The following CCSER1 variants were observed in gnomAD, a reference collection of about 807,000 sequenced individuals.
CCSER1 encodes the protein serine-rich coiled-coil domain-containing protein 1.
In CCSER1, 41 loss-of-function variants were observed where a neutral mutation model predicts 82.0. The ratio of observed to expected loss-of-function variants is 0.50; its 90% CI spans 0.39 to 0.65. The LOEUF is 0.65. Among genes scored for constraint, CCSER1 ranks in the 30% least tolerant of loss-of-function variants. The pLI is 0.00. For synonymous variants in CCSER1, 414 were observed against 383.9 expected (o/e 1.08, Z -0.92); for missense variants, 1,119 against 1,064.2 (o/e 1.05, Z -0.72).
At chr4:90,417,333 GAATAAATTTCTATTTTAAATACCTTAAAA>G (rs1218194758) in intron 4 of CCSER1, among the ~76,000 whole-genome samples, 1 of 151,520 alleles carries the variant, frequency 6.6e-6, no homozygotes, top group Non-Finnish European at 1.5e-5. Flanking sequence ...ATTTGAAAAA[GAATAAATTTCTATTTTAAATACCTTAAAA>G]ATTATTAACC....
chr4:91,436,396 T>A (rs1754651439), intron 10 of CCSER1, among the ~76,000 whole-genome samples: 1 of 152,194 alleles, frequency 6.6e-6, no homozygotes. Context: ...GAAATAGGAA[T>A]CACTTAAACA....
intron 10 of CCSER1, among the ~76,000 whole-genome samples, chr4:91,347,262 C>G (rs1045734002): frequency 2.0e-5 from 3 of 152,036 alleles, no homozygotes; most frequent in Non-Finnish European, 4.4e-5. Context: ...ATTTATTTGA[C>G]TTTGTTCCTT....
intron 7 of CCSER1, among the ~76,000 whole-genome samples, chr4:90,756,178 A>G (rs533450140): frequency 6.6e-6 from 1 of 152,296 alleles, no homozygotes; most frequent in East Asian, 1.9e-4. Flanking sequence ...CAGTGAGCTG[A>G]GATCGTTCTA....
intron 7 of CCSER1, among the ~76,000 whole-genome samples, chr4:90,747,903 T>A (rs1412624874): frequency 1.3e-5 from 2 of 151,040 alleles, no homozygotes; most frequent in African/African-American, 2.4e-5. Flanking sequence ...ATATGCCATG[T>A]TTGGTTTTTT....
chr4:90,803,197 C>A (rs1159650065), intron 7 of CCSER1, among the ~76,000 whole-genome samples: 1 of 150,480 alleles, frequency 6.6e-6, no homozygotes, highest in African/African-American at 2.4e-5. Flanking sequence ...TTTTTATTTG[C>A]ATTTTTTAAT....
At chr4:90,720,509 A>T (rs1580139103) in intron 6 of CCSER1, among the ~76,000 whole-genome samples, 1 of 152,170 alleles carries the variant, frequency 6.6e-6, no homozygotes, top group East Asian at 1.9e-4. Context: ...AAATAAATTT[A>T]AATTTTAAAT....
intron 1 of CCSER1, among the ~76,000 whole-genome samples, chr4:90,175,027 G>A (rs1343135774): frequency 6.6e-6 from 1 of 151,964 alleles, no homozygotes; most frequent in Non-Finnish European, 1.5e-5. Context: ...ATAAGTGAAA[G>A]CATGTATTTA....
chr4:91,488,622 CT>C lies in CCSER1; in HGVS notation c.2218-109949del, dbSNP rs564166763. On this transcript the variant is annotated intron_variant, in intron 10 of 10. Coordinates refer to ENST00000509176, the MANE Select transcript of CCSER1 (RefSeq NM_001145065.2). ...TAAAAGTGTGTAACACCTTGCCCAG[CT>C]CTTTCTTCCTCCTGCTCCAGCCATG... Among the ~76,000 whole-genome samples the C allele has an allele frequency of 1.2e-4, 18 of 152,286 alleles. No homozygotes were observed. The South Asian group carries it at 3.5e-3, about 30-fold the overall frequency.
At chr4:90,470,339 G>C (rs186462234) in intron 5 of CCSER1, among the ~76,000 whole-genome samples, 1 of 152,188 alleles carries the variant, frequency 6.6e-6, no homozygotes, top group East Asian at 1.9e-4. Flanking sequence ...AATTGTTTAT[G>C]TCCTACATAC....
At chr4:91,487,367 C>G (rs577119944) in intron 10 of CCSER1, among the ~76,000 whole-genome samples, 8 of 152,196 alleles carry the variant, frequency 5.3e-5, no homozygotes, top group Non-Finnish European at 1.0e-4. Context: ...CTAATTTGCA[C>G]AATTCTTACT....
chr4:90,383,277 T>C (rs2153533003), intron 3 of CCSER1, among the ~76,000 whole-genome samples: 1 of 152,176 alleles, frequency 6.6e-6, no homozygotes, highest in South Asian at 2.1e-4. Flanking sequence ...AACAGCACAG[T>C]AAAGTATCAT....
chr4:90,821,703 G>C (rs1355775337), intron 8 of CCSER1, among the ~76,000 whole-genome samples: 4 of 152,076 alleles, frequency 2.6e-5, no homozygotes, highest in African/African-American at 9.7e-5. Context: ...TGCATCATAA[G>C]TTTAATTTAT....
intron 3 of CCSER1, among the ~76,000 whole-genome samples, chr4:90,361,492 C>A (rs1049049629): frequency 4.6e-5 from 7 of 152,150 alleles, no homozygotes; most frequent in Non-Finnish European, 7.4e-5. Context: ...AGAAAACACT[C>A]TTTTTAAAAA....
intron 6 of CCSER1, among the ~76,000 whole-genome samples, chr4:90,648,648 G>A (rs1728168461): frequency 6.6e-6 from 1 of 152,184 alleles, no homozygotes; most frequent in African/African-American, 2.4e-5. Context: ...AGTGAGGACA[G>A]AGAGAGAATG....
chr4:90,775,695 T>C (rs1483395001), intron 7 of CCSER1, among the ~76,000 whole-genome samples: 3 of 152,216 alleles, frequency 2.0e-5, no homozygotes, highest in Non-Finnish European at 4.4e-5. Context: ...TTTTCACTTA[T>C]GGAATGATCA....
At chr4:91,000,195 C>CATAGT (rs71596543) in intron 9 of CCSER1, among the ~76,000 whole-genome samples, 9 of 145,960 alleles carry the variant, frequency 6.2e-5, no homozygotes, top group African/African-American at 1.0e-4. Flanking sequence ...TAGGCTAATG[C>CATAGT]ATAGTATAGT....
In CCSER1 at chr4:90,734,329, G is replaced by A. The variant is rs374436017; in HGVS notation, c.2010+10338G>A. ...TTTAGTAGAGACGGGGTTTCACTGC[G>A]TTAGCCAGGATGGTCTCGATCTCCT... On this transcript the variant is annotated intron_variant, in intron 7 of 10. Coordinates refer to ENST00000509176, the MANE Select transcript of CCSER1 (RefSeq NM_001145065.2). Among the ~76,000 whole-genome samples the A allele has an allele frequency of 1.1e-4, 17 of 152,074 alleles. No homozygotes were observed. In the South Asian group the frequency reaches 1.2e-3, roughly 11 times the overall value.
At chr4:90,379,883 A>G (rs1034205356) in intron 3 of CCSER1, among the ~76,000 whole-genome samples, 6 of 152,152 alleles carry the variant, frequency 3.9e-5, no homozygotes, top group Admixed American at 6.5e-5. Context: ...GCTTCCAACC[A>G]TGGCAGAAGG....
At chr4:90,394,511 T>A (rs1751682455) in intron 3 of CCSER1, among the ~76,000 whole-genome samples, 1 of 152,190 alleles carries the variant, frequency 6.6e-6, no homozygotes, top group Non-Finnish European at 1.5e-5. Context: ...TTACTAATCT[T>A]TTGACTTTTG....
Sources: allele counts gnomAD v4.1 joint callset (sites outside exome capture counted in the v4.1 genomes callset), GRCh38; gene constraint gnomAD v4.1.1; transcripts MANE v1.5; gene names NCBI Gene and HGNC (gene_info 2026-07-23, HGNC 2026-07-21).